The following LUZP1 variants were observed in gnomAD, a reference collection of about 807,000 sequenced individuals.
The protein encoded by LUZP1 is leucine zipper protein 1.
LUZP1 carries 25 observed loss-of-function variants against 71.3 expected under a neutral mutation model. That is an observed-to-expected ratio of 0.35 (90% CI 0.26 to 0.49). The LOEUF (loss-of-function observed/expected upper bound fraction) is 0.49, where lower values mean the gene tolerates loss of function less well. Among genes scored for constraint, LUZP1 ranks in the 20% least tolerant of loss-of-function variants. LUZP1 has a pLI of 0.99. For missense variants in LUZP1, 1,142 were observed against 1,300.8 expected (o/e 0.88, Z 1.88); for synonymous variants, 481 against 506.4 (o/e 0.95, Z 0.67).
intron 2 of LUZP1, among the ~76,000 whole-genome samples, chr1:23,166,547 C>T (rs1188516435): frequency 6.8e-6 from 1 of 147,774 alleles, no homozygotes; most frequent in African/African-American, 2.5e-5. Context: ...CCCAGCTACT[C>T]GGGAGGCTGA....
intron 3 of LUZP1, among the ~76,000 whole-genome samples, chr1:23,101,501 T>C (rs12096658): frequency 0.11 from 16,098 of 152,116 alleles, 2,813 homozygotes; most frequent in African/African-American, 0.36. Flanking sequence ...ATGCTTTAGT[T>C]CCTCTGAAAA....
chr1:23,145,237 G>A (rs1455546473), intron 2 of LUZP1, among the ~76,000 whole-genome samples: 1 of 151,968 alleles, frequency 6.6e-6, no homozygotes, highest in Admixed American at 6.6e-5. Context: ...GCTTAAATAA[G>A]TTTCTTCATG....
At chr1:23,131,600 G>A (rs1020691474) in intron 2 of LUZP1, among the ~76,000 whole-genome samples, 27 of 152,228 alleles carry the variant, frequency 1.8e-4, no homozygotes, top group Admixed American at 9.2e-4. Flanking sequence ...CAAAAAAAAC[G>A]AGTTTGTTTC....
chr1:23,161,124 A>C (rs900697063), intron 2 of LUZP1, among the ~76,000 whole-genome samples: 1 of 152,214 alleles, frequency 6.6e-6, no homozygotes, highest in African/African-American at 2.4e-5. Context: ...TATTTATTAA[A>C]TACCTACTCT....
exon 5 of LUZP1, chr1:23,088,896 C>G: frequency 6.2e-7 from 1 of 1,613,866 alleles, no homozygotes; most frequent in Non-Finnish European, 8.5e-7. Context: ...CCAGCGGGCT[C>G]AGTTCTCCTC....
At chr1:23,151,492 T>TG (rs1557683996) in intron 2 of LUZP1, among the ~76,000 whole-genome samples, 1 of 152,198 alleles carries the variant, frequency 6.6e-6, no homozygotes, top group African/African-American at 2.4e-5. Flanking sequence ...CCTGTTCTTA[T>TG]GGTGCGTAAT....
At chr1:23,132,301 G>A (rs1644221182) in intron 2 of LUZP1, among the ~76,000 whole-genome samples, 1 of 152,038 alleles carries the variant, frequency 6.6e-6, no homozygotes, top group Non-Finnish European at 1.5e-5. Flanking sequence ...TCAAACACCT[G>A]GTCATAAGCT....
At chr1:23,112,758 C>T (rs1241460229) in intron 2 of LUZP1, among the ~76,000 whole-genome samples, 1 of 152,148 alleles carries the variant, frequency 6.6e-6, no homozygotes, top group Admixed American at 6.5e-5. Context: ...AAAAAACAAA[C>T]CCTAGGCTTT....
intron 2 of LUZP1, among the ~76,000 whole-genome samples, chr1:23,141,716 G>A (rs762642686): frequency 8.5e-5 from 13 of 152,068 alleles, no homozygotes; most frequent in Non-Finnish European, 1.8e-4. Context: ...GGGTCCCAAT[G>A]TCCCCCAGGC....
chr1:23,155,504 T>TA (rs1336371233), intron 2 of LUZP1, among the ~76,000 whole-genome samples: 2 of 152,236 alleles, frequency 1.3e-5, no homozygotes, highest in Non-Finnish European at 2.9e-5. Flanking sequence ...TAATAATAGT[T>TA]ATCCTCATTA....
At chr1:23,110,736 T>A (rs998637127) in intron 2 of LUZP1, among the ~76,000 whole-genome samples, 21 of 152,172 alleles carry the variant, frequency 1.4e-4, no homozygotes, top group East Asian at 1.4e-3. Flanking sequence ...GAGAGTTTTT[T>A]AAAAACAGCT....
exon 5 of LUZP1, chr1:23,088,010 C>T: frequency 6.5e-6 from 1 of 152,776 alleles, no homozygotes. Flanking sequence ...CTGGGCACTT[C>T]CTAGAAGGCA....
intron 2 of LUZP1, among the ~76,000 whole-genome samples, chr1:23,147,152 T>G (rs1644349668): frequency 7.0e-6 from 1 of 143,134 alleles, no homozygotes; most frequent in Non-Finnish European, 1.5e-5. Context: ...AAGAAATGCT[T>G]AATGCTGGCC....
intron 2 of LUZP1, among the ~76,000 whole-genome samples, chr1:23,166,541 G>A (rs536064649): frequency 1.3e-5 from 2 of 151,228 alleles, no homozygotes; most frequent in South Asian, 4.2e-4. Flanking sequence ...TGTAATCCCA[G>A]CTACTCGGGA....
In LUZP1 at chr1:23,093,753, T is replaced by C; in HGVS notation, c.509A>G (p.Asp170Gly). Residue 170 changes from aspartate to glycine, a missense_variant, in exon 4 of 5, where the codon GAC becomes GGC. Asp to Gly is a moderately conservative substitution (Grantham distance 94). Transcript: ENST00000302291. This position sits in a 1 kb window ranked among gnomAD's most constrained non-coding sequence, Gnocchi z 4.2. ...ACTCTGCTCAGTTTTATCCAGGCGGTCCTCAGAAGATTCTAGTTCTTTCAC... is the reference window on the plus strand; with the variant it reads ...ACTCTGCTCAGTTTTATCCAGGCGGCCCTCAGAAGATTCTAGTTCTTTCAC... 1 of 1,613,862 alleles carries C rather than the reference T, an allele frequency of 6.2e-7. No homozygotes were observed.
At chr1:23,122,700 G>A (rs1167361358) in intron 2 of LUZP1, among the ~76,000 whole-genome samples, 4 of 152,138 alleles carry the variant, frequency 2.6e-5, no homozygotes, top group Admixed American at 6.5e-5. Flanking sequence ...TTATTAAAAC[G>A]GGAGTGTTCT....
chr1:23,151,506 A>G (rs561557049), intron 2 of LUZP1, among the ~76,000 whole-genome samples: 1 of 152,322 alleles, frequency 6.6e-6, no homozygotes, highest in Non-Finnish European at 1.5e-5. Context: ...GCGTAATCCA[A>G]GGATAGAGGA....
chr1:23,160,268 C>A (rs1644454014), intron 2 of LUZP1, among the ~76,000 whole-genome samples: 1 of 152,184 alleles, frequency 6.6e-6, no homozygotes, highest in South Asian at 2.1e-4. Flanking sequence ...GACAAAGCAG[C>A]TTTAAGCAGA....
At chr1:23,150,648 C>T (rs1263696590) in intron 2 of LUZP1, among the ~76,000 whole-genome samples, 1 of 152,082 alleles carries the variant, frequency 6.6e-6, no homozygotes, top group East Asian at 1.9e-4. Context: ...TTTGAGATAA[C>T]TTTTTACCAA....
Sources: gnomAD v4.1 joint callset for allele counts (sites outside exome capture counted in the v4.1 genomes callset) on GRCh38, gnomAD v4.1.1 for gene constraint, Gnocchi (gnomAD v3.1) non-coding constraint, MANE v1.5 for transcripts, NCBI Gene and HGNC (gene_info 2026-07-23, HGNC 2026-07-21) for gene names.